ANO7: variants seen among roughly 807,000 people sequenced by gnomAD.
ANO7 encodes the protein anoctamin-7.
ANO7 carries 114 observed loss-of-function variants against 115.8 expected under a neutral mutation model. The observed-to-expected ratio is 0.98, with a 90% CI of 0.85 to 1.15. The LOEUF (loss-of-function observed/expected upper bound fraction) is 1.15, where lower values mean the gene tolerates loss of function less well. ANO7 is among the 50% of genes most tolerant of loss of function. The pLI is 0.00. For missense variants in ANO7, 1,302 were observed against 1,201.2 expected (o/e 1.08, Z -1.24); for synonymous variants, 550 against 498.2 (o/e 1.10, Z -1.38).
intron 3 of ANO7, among the ~76,000 whole-genome samples, chr2:241,194,388 C>T (rs1479675931): frequency 6.7e-6 from 1 of 149,960 alleles, no homozygotes; most frequent in Non-Finnish European, 1.5e-5. Flanking sequence ...GATCTCAGCT[C>T]ACTGCAAGCT....
At chr2:241,226,863 C>T (rs1247694893), downstream of ANO7, among the ~76,000 whole-genome samples, 1 of 152,188 alleles carries the variant, frequency 6.6e-6, no homozygotes, top group Non-Finnish European at 1.5e-5. Context: ...GCTCCTCCCA[C>T]TCAACGCCCC....
At chr2:241,221,465 G>A (rs1422973029) in intron 21 of ANO7, among the ~76,000 whole-genome samples, 3 of 151,954 alleles carry the variant, frequency 2.0e-5, no homozygotes, top group East Asian at 3.9e-4. Context: ...TGCAACCCCC[G>A]CCTCCTGGGT....
At chr2:241,231,116 G>C in the ANO7 span, 1 of 607,034 alleles carries the variant, frequency 1.6e-6, no homozygotes, top group East Asian at 2.9e-5. Flanking sequence ...CGGGCACGGT[G>C]GCTCACGCCT....
Position 241,224,355 on chromosome 2 carries a change from G to A in ANO7, c.*202G>A, listed in dbSNP as rs971608234. 2 of 614,764 alleles carry A rather than the reference G, an allele frequency of 3.3e-6. No homozygotes were observed. Among genetic ancestry groups the A allele is most frequent in the African/African-American group, 1.9e-5 (1 of 54,000 alleles). The allele number at this position is 614,764 out of a possible 1,614,324, so 38.1% of individuals were successfully genotyped here. A position where few individuals can be genotyped will look rare whatever the true frequency, so the allele number is the denominator to read the frequency against. The stretch of plus-strand genomic sequence containing the variant: ...TGTCACTCCATCCCCGGCAGGGAGG[G>A]ACCGTCAGCTCACAAGGCCCTCTTT... On this transcript the variant is annotated 3_prime_UTR_variant, in exon 25 of 25. Coordinates refer to ENST00000674324, the MANE Select transcript of ANO7 (RefSeq NM_001370694.2).
the ANO7 span, chr2:241,236,548 C>T: frequency 1.3e-5 from 20 of 1,534,216 alleles, no homozygotes; most frequent in Admixed American, 3.4e-5. Context: ...ATCCAGGCCA[C>T]GCGTCTCCCC....
chr2:241,221,990 T>C (rs1343031272), intron 21 of ANO7, among the ~76,000 whole-genome samples: 1 of 151,766 alleles, frequency 6.6e-6, no homozygotes, highest in Non-Finnish European at 1.5e-5. Flanking sequence ...TTCCCAGCAC[T>C]GTGGGAGGCC....
chr2:241,235,595 C>T, the ANO7 span: 1 of 1,608,654 alleles, frequency 6.2e-7, no homozygotes, highest in Non-Finnish European at 8.5e-7. Context: ...GAACCAATGC[C>T]TGCAGGGAGG....
intron 17 of ANO7, 55 bp downstream of exon 17, chr2:241,212,681 TC>T: frequency 6.6e-7 from 1 of 1,520,788 alleles, no homozygotes; most frequent in Non-Finnish European, 8.9e-7. Context: ...TCCTCTCACT[TC>T]CATTCTTCCA....
At position 241,217,058 on chromosome 2, in the gene ANO7, C is replaced by T. The variant is rs187055504; in HGVS notation, c.1973-628C>T. On this transcript the variant is annotated intron_variant, in intron 19 of 24. Transcript: ENST00000674324. ...GTGTTGGCCAGGCTGGTCTCGAACT[C>T]CTGACCTCAGGTGATCCACCTGCCT... is the stretch of plus-strand genomic sequence containing the variant. Among the ~76,000 whole-genome samples the T allele has an allele frequency of 5.8e-3, 880 of 152,322 alleles. 10 individuals are homozygous for T. Among genetic ancestry groups the T allele is most frequent in the Non-Finnish European group, 8.1e-3 (553 of 68,024 alleles).
At chr2:241,190,198 C>G in intron 2 of ANO7, 27 bp downstream of exon 2, 10 of 1,538,490 alleles carry the variant, frequency 6.5e-6, no homozygotes, top group Non-Finnish European at 8.8e-6. Flanking sequence ...GACTGTGGTG[C>G]GACTTGAGAG....
intron 19 of ANO7, 139 bp from the exon 20 acceptor site, chr2:241,217,547 G>C: frequency 1.0e-6 from 1 of 995,408 alleles, no homozygotes; most frequent in East Asian, 2.7e-5. Flanking sequence ...CAGGACGAGG[G>C]AGACCAGGAG....
Position 241,217,388 on chromosome 2 carries a change from G to A in ANO7, c.1973-298G>A, listed in dbSNP as rs56098160. Among the ~76,000 whole-genome samples, 84,293 of 152,130 alleles carry A rather than the reference G, an allele frequency of 0.55. 23,796 individuals are homozygous for A. The highest frequency in any genetic ancestry group is 0.78 in the East Asian group (4,056 of 5,168). ...CTGGAGAAGCTGGTTGTAAAATCAG[G>A]AGCAGGTTTCTGCCCCAACGCCTGC... On this transcript the variant is annotated intron_variant, in intron 19 of 24. Transcript: ENST00000674324.
chr2:241,235,440 G>C, the ANO7 span: 1 of 1,487,618 alleles, frequency 6.7e-7, no homozygotes, highest in South Asian at 1.1e-5. Context: ...ACTCGGGAGA[G>C]GATGCGACAG....
At position 241,212,617 on chromosome 2, in the gene ANO7, C is replaced by T. The variant is rs773213798; in HGVS notation, c.1719C>T (p.Arg573=). ...PGNYHTLFGV[R]NEECAAGGCL... ...ACTACCACACCTTGTTTGGAGTCCG[C>T]AATGAGGAGGTGAGTGTGCCTGAGG... is the stretch of plus-strand genomic sequence containing the variant. Residue 573 remains arginine, a synonymous_variant, in exon 17 of 25, where the codon CGC becomes CGT. Coordinates refer to ENST00000674324, the MANE Select transcript of ANO7 (RefSeq NM_001370694.2). 1 of 1,612,892 alleles carries T rather than the reference C, an allele frequency of 6.2e-7. No individual in the cohort carries two copies. Among genetic ancestry groups the T allele is most frequent in the South Asian group, 1.1e-5 (1 of 90,672 alleles).
chr2:241,199,257 C>CAAGG, intron 4 of ANO7, 59 bp from the exon 5 acceptor site: 1 of 1,402,170 alleles, frequency 7.1e-7, no homozygotes, highest in Non-Finnish European at 1.0e-6. Context: ...TGGACACACA[C>CAAGG]ATGTGCATAC....
chr2:241,204,079 C>T (rs952792627), intron 9 of ANO7, among the ~76,000 whole-genome samples: 5 of 152,184 alleles, frequency 3.3e-5, no homozygotes, highest in East Asian at 1.9e-4. Flanking sequence ...GCCAGGGCAG[C>T]GGGCGGGGCC....
chr2:241,200,443 C>T (rs13425235), intron 6 of ANO7, among the ~76,000 whole-genome samples: 2,054 of 152,338 alleles, frequency 0.013, 46 homozygotes, highest in African/African-American at 0.047. Flanking sequence ...GATAACCCCC[C>T]CAAGGCCCAG....
chr2:241,191,957 G>A (rs996538682), intron 3 of ANO7, among the ~76,000 whole-genome samples: 3 of 152,216 alleles, frequency 2.0e-5, no homozygotes, highest in African/African-American at 7.2e-5. Context: ...ACGGGATGGG[G>A]GCCCCGGGGA....
the ANO7 span, among the ~76,000 whole-genome samples, chr2:241,239,318 C>T: frequency 9.2e-5 from 14 of 152,194 alleles, no homozygotes; most frequent in South Asian, 1.5e-3. This position sits in a 1 kb window ranked among gnomAD's most constrained non-coding sequence, Gnocchi z 4.6. Flanking sequence ...CATTTTCTTT[C>T]TTTCTCTTGC....
Sources: gnomAD v4.1 joint callset for allele counts (sites outside exome capture counted in the v4.1 genomes callset) on GRCh38, gnomAD v4.1.1 for gene constraint, Gnocchi (gnomAD v3.1) non-coding constraint, MANE v1.5 for transcripts, NCBI Gene and HGNC (gene_info 2026-07-23, HGNC 2026-07-21) for gene names.